GSK3B: variants seen among roughly 807,000 people sequenced by gnomAD.
GSK3B encodes the protein glycogen synthase kinase 3 beta, also known as glycogen synthase kinase-3 beta.
A neutral mutation model predicts 56.4 loss-of-function variants in GSK3B; 15 were observed. That is an observed-to-expected ratio of 0.27 (90% confidence interval 0.18 to 0.41). The LOEUF is 0.41. GSK3B is among the 10% of genes least tolerant of loss of function. The pLI is 1.00. For synonymous variants in GSK3B, 181 were observed against 188.9 expected, an observed-to-expected ratio of 0.96 and a Z score of 0.34; for missense variants, 300 against 513.4, an observed-to-expected ratio of 0.58 and a Z score of 4.02.
chr3:119,925,915 T>C (rs373782490), intron 3 of GSK3B, among the ~76,000 whole-genome samples: 4 of 152,336 alleles, frequency 2.6e-5, no homozygotes, highest in South Asian at 2.1e-4. Context: ...ACCCTTCTCA[T>C]CTATTTGACT....
chr3:119,948,971 G>T lies in GSK3B; in HGVS notation c.283-1620C>A, dbSNP rs1190258826. On this transcript the variant is annotated intron_variant, in intron 2 of 10. Transcript: ENST00000264235. Reference sequence around the variant, plus strand: ...CCTGCCTCAGCCTCCCAAAGTGCTGGGATTACAGGCGTGAGCCACAGCGCC... The same window carrying T: ...CCTGCCTCAGCCTCCCAAAGTGCTGTGATTACAGGCGTGAGCCACAGCGCC... Among the ~76,000 whole-genome samples, 3 of 152,154 alleles carry T rather than the reference G, an allele frequency of 2.0e-5. No individual in the cohort carries two copies. The East Asian group carries it at 5.8e-4, about 29-fold the overall frequency.
At chr3:119,827,608 A>AAAAAAAAAAAAAAAAAAAAAAAAAAAAT (rs1553721502) in intron 10 of GSK3B, among the ~76,000 whole-genome samples, 1 of 94,628 alleles carries the variant, frequency 1.1e-5, no homozygotes, top group Non-Finnish European at 2.1e-5. Flanking sequence ...AAAAAAAAAA[A>AAAAAAAAAAAAAAAAAAAAAAAAAAAAT]AGAGAGAGAG....
At chr3:119,999,679 T>C (rs146596977) in intron 2 of GSK3B, among the ~76,000 whole-genome samples, 1 of 152,326 alleles carries the variant, frequency 6.6e-6, no homozygotes, top group East Asian at 1.9e-4. Flanking sequence ...AAGATCTCCA[T>C]AGCTGACTTG....
intron 7 of GSK3B, among the ~76,000 whole-genome samples, chr3:119,896,559 C>A (rs1364523523): frequency 6.6e-6 from 1 of 152,040 alleles, no homozygotes; most frequent in African/African-American, 2.4e-5. Context: ...ATCAAATAAA[C>A]AATAAAATAT....
At chr3:119,858,735 C>T (rs977854513) in intron 9 of GSK3B, among the ~76,000 whole-genome samples, 4 of 152,196 alleles carry the variant, frequency 2.6e-5, no homozygotes, top group African/African-American at 7.2e-5. Flanking sequence ...ACTTTCCTCA[C>T]TAAGCTCAAT....
intron 1 of GSK3B, among the ~76,000 whole-genome samples, chr3:120,052,963 G>T (rs1475832176): frequency 2.0e-5 from 3 of 152,138 alleles, no homozygotes; most frequent in African/African-American, 4.8e-5. Context: ...GTCAGAGTTC[G>T]TAAGTGTTAG....
At chr3:119,856,010 A>G (rs1237678459) in intron 9 of GSK3B, among the ~76,000 whole-genome samples, 3 of 152,226 alleles carry the variant, frequency 2.0e-5, no homozygotes, top group Admixed American at 6.5e-5. Context: ...TGGGAGAACC[A>G]GTCTACATTT....
intron 7 of GSK3B, among the ~76,000 whole-genome samples, chr3:119,891,012 G>A (rs1430938167): frequency 6.6e-6 from 1 of 151,992 alleles, no homozygotes; most frequent in Non-Finnish European, 1.5e-5. Context: ...TATTCCTCAA[G>A]AAGCTCTAGG....
At chr3:119,845,204 G>A (rs12330358) in intron 9 of GSK3B, among the ~76,000 whole-genome samples, 2,769 of 150,822 alleles carry the variant, frequency 0.018, 92 homozygotes, top group African/African-American at 0.064. Context: ...CAGCCAATAC[G>A]GTACTGAACG....
intron 7 of GSK3B, among the ~76,000 whole-genome samples, chr3:119,901,728 T>G (rs2056626503): frequency 6.6e-6 from 1 of 152,004 alleles, no homozygotes; most frequent in African/African-American, 2.4e-5. Flanking sequence ...AAACCTTAAT[T>G]GAAAATTATT....
Position 120,094,055 on chromosome 3 carries a change from G to A in GSK3B, c.-621C>T, listed in dbSNP as rs916572941. On this transcript the variant is annotated 5_prime_UTR_variant, in exon 1 of 11. Transcript: ENST00000264235. Reference sequence around the variant, plus strand: ...GTCAGAGGCGGGCGGTGGCGGTGGCGGCGGCTCCTCTCCTCATTGCGCCAG... The same window carrying A: ...GTCAGAGGCGGGCGGTGGCGGTGGCAGCGGCTCCTCTCCTCATTGCGCCAG... 16 of 227,886 alleles carry A rather than the reference G, an allele frequency of 7.0e-5. No homozygotes were observed. The highest frequency in any genetic ancestry group is 2.9e-4 in the African/African-American group (13 of 44,526). 14.1% of individuals were successfully genotyped at this position (227,886 alleles called of 1,614,324 possible).
At chr3:120,000,918 C>CTTTTTTT (rs71156781) in intron 2 of GSK3B, among the ~76,000 whole-genome samples, 10 of 91,056 alleles carry the variant, frequency 1.1e-4, no homozygotes, top group East Asian at 3.5e-4. Context: ...ATGTAATCTC[C>CTTTTTTT]TTTTTTTTTT....
intron 3 of GSK3B, among the ~76,000 whole-genome samples, chr3:119,943,783 G>A (rs2057072498): frequency 6.6e-6 from 1 of 151,896 alleles, no homozygotes; most frequent in South Asian, 2.1e-4. Flanking sequence ...GAAAAAGGGT[G>A]TGGGGGAGAA....
intron 1 of GSK3B, among the ~76,000 whole-genome samples, chr3:120,075,837 A>C (rs887195809): frequency 6.6e-6 from 1 of 152,182 alleles, no homozygotes; most frequent in African/African-American, 2.4e-5. Context: ...AATTCCTATC[A>C]AAATCCCAAT....
At chr3:119,964,851 T>C (rs920703210) in intron 2 of GSK3B, among the ~76,000 whole-genome samples, 2 of 152,176 alleles carry the variant, frequency 1.3e-5, no homozygotes, top group East Asian at 3.8e-4. Context: ...GCTGTGGTGA[T>C]GGTAAGATGA....
At chr3:119,905,685 G>T in intron 7 of GSK3B, 70 bp downstream of exon 7, 1 of 880,918 alleles carries the variant, frequency 1.1e-6, no homozygotes, top group Admixed American at 1.7e-5. Flanking sequence ...ATGTGTACAT[G>T]TGTGATATAT....
intron 1 of GSK3B, among the ~76,000 whole-genome samples, chr3:120,038,125 C>A (rs1005570870): frequency 6.6e-6 from 1 of 152,104 alleles, no homozygotes; most frequent in Admixed American, 6.5e-5. Flanking sequence ...ATAGCAAATT[C>A]GGAATTTATC....
At chr3:120,040,977 C>A (rs951786850) in intron 1 of GSK3B, among the ~76,000 whole-genome samples, 2 of 152,050 alleles carry the variant, frequency 1.3e-5, no homozygotes, top group South Asian at 4.1e-4. Context: ...GGACTCCATG[C>A]ACCTAAGTCG....
At chr3:119,979,756 T>C (rs1457788802) in intron 2 of GSK3B, among the ~76,000 whole-genome samples, 1 of 152,236 alleles carries the variant, frequency 6.6e-6, no homozygotes, top group Admixed American at 6.5e-5. Context: ...AAATGACTTC[T>C]GGTGCCCTGG....
Sources: allele counts gnomAD v4.1 joint callset (sites outside exome capture counted in the v4.1 genomes callset), GRCh38; gene constraint gnomAD v4.1.1; transcripts MANE v1.5; gene names NCBI Gene and HGNC (gene_info 2026-07-23, HGNC 2026-07-21).